The following SORCS2 variants were observed in gnomAD, a reference collection of about 807,000 sequenced individuals.
SORCS2 encodes the protein sortilin related VPS10 domain containing receptor 2.
A neutral mutation model predicts 141.6 loss-of-function variants in SORCS2; 100 were observed. The observed-to-expected ratio is 0.71, with a 90% confidence interval of 0.60 to 0.83. SORCS2 has a LOEUF of 0.83. Among genes scored for constraint, SORCS2 ranks in the 40% least tolerant of loss-of-function variants. The pLI is 0.00. For synonymous variants in SORCS2, 789 were observed against 676.9 expected, an observed-to-expected ratio of 1.17 and a Z score of -2.57; for missense variants, 1,646 against 1,560.2, an observed-to-expected ratio of 1.05 and a Z score of -0.93.
intron 1 of SORCS2, among the ~76,000 whole-genome samples, chr4:7,210,276 C>T (rs566836455): frequency 1.1e-4 from 17 of 152,272 alleles, no homozygotes; most frequent in African/African-American, 4.1e-4. Flanking sequence ...TACCCTTGAC[C>T]CTTATTATCA....
In SORCS2 at chr4:7,639,933, ATGTC is replaced by A. The variant is rs202239074; in HGVS notation, c.813+1445_813+1448del. Among the ~76,000 whole-genome samples, 1,236 of 151,144 alleles carry A rather than the reference ATGTC, an allele frequency of 8.2e-3. 7 individuals carry two copies. Among genetic ancestry groups the A allele is most frequent in the Middle Eastern group, 0.017 (5 of 290 alleles). On this transcript the variant is annotated intron_variant, in intron 4 of 26. Transcript: ENST00000507866. ...TGGGTGTGTGTGTGTTTGTGAGAAT[ATGTC>A]TGTGTTTGTGAGAATGAGTGTGGGT...
chr4:7,513,845 G>A (rs536716886), intron 2 of SORCS2, among the ~76,000 whole-genome samples: 7 of 152,312 alleles, frequency 4.6e-5, no homozygotes, highest in South Asian at 4.1e-4. Flanking sequence ...AATACGTTCT[G>A]CCAATTTCCC....
At chr4:7,654,325 C>A in intron 5 of SORCS2, 118 bp downstream of exon 5, 1 of 1,063,918 alleles carries the variant, frequency 9.4e-7, no homozygotes, top group Non-Finnish European at 1.4e-6. Context: ...CCCTCCCCAT[C>A]CCGGGGCTGG....
intron 11 of SORCS2, among the ~76,000 whole-genome samples, chr4:7,691,262 G>A (rs1289547545): frequency 6.6e-6 from 1 of 152,242 alleles, no homozygotes; most frequent in Non-Finnish European, 1.5e-5. Context: ...GCACCGAGCT[G>A]GGGCCTGGCC....
chr4:7,517,290 G>A (rs151244383), intron 2 of SORCS2, among the ~76,000 whole-genome samples: 7 of 152,218 alleles, frequency 4.6e-5, no homozygotes, highest in African/African-American at 1.7e-4. Context: ...ACAATCGCAC[G>A]ACTCGAAGCA....
chr4:7,342,275 C>T (rs1720410961), intron 1 of SORCS2, among the ~76,000 whole-genome samples: 1 of 152,246 alleles, frequency 6.6e-6, no homozygotes, highest in Non-Finnish European at 1.5e-5. Flanking sequence ...GAGCTACTCA[C>T]TGTGTCCTGA....
chr4:7,661,231 G>A (rs6838780), intron 5 of SORCS2, among the ~76,000 whole-genome samples: 2 of 124,488 alleles, frequency 1.6e-5, no homozygotes, highest in East Asian at 3.3e-4. Context: ...CTCAGCTCAC[G>A]TAAGGAAGAT....
At chr4:7,390,193 C>T (rs546971951) in intron 1 of SORCS2, among the ~76,000 whole-genome samples, 2 of 152,304 alleles carry the variant, frequency 1.3e-5, no homozygotes, top group East Asian at 3.9e-4. Flanking sequence ...AGTTGGCAAT[C>T]AACACTAAGT....
At position 7,663,739 on chromosome 4, in the gene SORCS2, A is replaced by T. The variant is rs2108922711; in HGVS notation, c.953-614A>T. Among the ~76,000 whole-genome samples the T allele has an allele frequency of 6.6e-6, 1 of 152,256 alleles. No homozygotes were observed. The highest frequency in any genetic ancestry group is 1.9e-4 in the East Asian group (1 of 5,176). ...GAGGAGGAAAAGGAAGAGGAGGAAG[A>T]GGAGGAGGAGGAGGCACCCTTCCCT... On this transcript the variant is annotated intron_variant, in intron 6 of 26. Transcript: ENST00000507866. This position sits in a 1 kb window ranked among gnomAD's most constrained non-coding sequence, Gnocchi z 4.8.
intron 2 of SORCS2, among the ~76,000 whole-genome samples, chr4:7,529,013 C>T (rs1733866567): frequency 6.6e-6 from 1 of 152,218 alleles, no homozygotes; most frequent in African/African-American, 2.4e-5. Context: ...TCTTATAACA[C>T]CAGCCATACA....
intron 2 of SORCS2, among the ~76,000 whole-genome samples, chr4:7,482,853 C>T (rs559921329): frequency 1.8e-4 from 28 of 151,682 alleles, no homozygotes; most frequent in Admixed American, 1.6e-3. Flanking sequence ...CCTGTATCCC[C>T]GCCGCGGACA....
In SORCS2 at chr4:7,562,479, G is replaced by A. The variant is rs1441463650; in HGVS notation, c.648+30850G>A. On this transcript the variant is annotated intron_variant, in intron 3 of 26. Transcript: ENST00000507866. ...GTTTGGATTCTACTCAAGAACAGGG[G>A]TTGGCAAACGTTTTCTGTAAAGGGC... Among the ~76,000 whole-genome samples, 3 of 152,188 alleles carry A rather than the reference G, an allele frequency of 2.0e-5. No homozygotes were observed. The East Asian group carries it at 5.8e-4, about 29-fold the overall frequency.
intron 2 of SORCS2, among the ~76,000 whole-genome samples, chr4:7,444,605 G>T (rs1467256139): frequency 6.6e-6 from 1 of 152,212 alleles, no homozygotes; most frequent in Non-Finnish European, 1.5e-5. Context: ...CATGTAGGTG[G>T]ACTCTGCTTC....
chr4:7,274,019 C>T (rs1392981243), intron 1 of SORCS2, among the ~76,000 whole-genome samples: 9 of 152,222 alleles, frequency 5.9e-5, no homozygotes, highest in Admixed American at 5.9e-4. Context: ...ATTTTAACAT[C>T]CCTGACTCTA....
Position 7,729,784 on chromosome 4 carries a change from A to G in SORCS2, c.3108+72A>G, listed in dbSNP as rs113853839. On this transcript the variant is annotated intron_variant, in intron 23 of 26. Coordinates refer to ENST00000507866, the MANE Select transcript of SORCS2 (RefSeq NM_020777.3). ...AGGGCTCGGGTCATTTACAACAAGC[A>G]GGGACGTCTCAGTGGCTCATGGCAT... 29 of 1,550,234 alleles carry G rather than the reference A, an allele frequency of 1.9e-5. No homozygotes were observed. The African/African-American group carries it at 2.5e-4, about 13-fold the overall frequency.
chr4:7,237,713 A>G (rs1254650881), intron 1 of SORCS2, among the ~76,000 whole-genome samples: 1 of 152,088 alleles, frequency 6.6e-6, no homozygotes, highest in Non-Finnish European at 1.5e-5. Flanking sequence ...TAAAGTGGGA[A>G]TAATAATACC....
chr4:7,327,995 T>C (rs1363314487), intron 1 of SORCS2, among the ~76,000 whole-genome samples: 3 of 150,192 alleles, frequency 2.0e-5, no homozygotes, highest in Admixed American at 1.3e-4. Flanking sequence ...GAGGACCTAC[T>C]GTGTGCTGAG....
At chr4:7,676,263 G>A (rs761160005) in intron 9 of SORCS2, 34 bp downstream of exon 9, 14 of 1,542,536 alleles carry the variant, frequency 9.1e-6, no homozygotes, top group South Asian at 2.4e-5. Flanking sequence ...CAGGTCTGCC[G>A]CCGACCCCCT....
chr4:7,708,455 C>T (rs1235334391), intron 14 of SORCS2, among the ~76,000 whole-genome samples: 2 of 152,150 alleles, frequency 1.3e-5, no homozygotes, highest in Non-Finnish European at 1.5e-5. Context: ...GTACCCGCCA[C>T]GGGTGGGTCC....
Sources: allele counts gnomAD v4.1 joint callset (sites outside exome capture counted in the v4.1 genomes callset), GRCh38; gene constraint gnomAD v4.1.1; non-coding constraint Gnocchi (gnomAD v3.1); transcripts MANE v1.5; gene names NCBI Gene and HGNC (gene_info 2026-07-23, HGNC 2026-07-21).